Variants in SLC3A2 observed in about 807,000 individuals in gnomAD.
SLC3A2 encodes solute carrier family 3 member 2, also known as amino acid transporter heavy chain SLC3A2.
Under a neutral mutation model 48.5 loss-of-function variants are expected in SLC3A2, and 32 were observed. The ratio of observed to expected loss-of-function variants is 0.66; its 90% CI spans 0.50 to 0.89. The LOEUF (loss-of-function observed/expected upper bound fraction) is 0.89, where lower values mean the gene tolerates loss of function less well. Among genes scored for constraint, SLC3A2 ranks in the 40% least tolerant of loss-of-function variants. SLC3A2 has a pLI of 0.00. For missense variants in SLC3A2, 587 were observed against 680.7 expected, an observed-to-expected ratio of 0.86 and a Z score of 1.53; for synonymous variants, 277 against 288.8, an observed-to-expected ratio of 0.96 and a Z score of 0.41.
chr11:62,887,699 CAAA>C (rs753559403), intron 7 of SLC3A2, among the ~76,000 whole-genome samples: 4 of 89,578 alleles, frequency 4.5e-5, no homozygotes, highest in Non-Finnish European at 6.8e-5. Context: ...GACTCCGTCT[CAAA>C]AAAAAAAAAA....
At position 62,858,295 on chromosome 11, in the gene SLC3A2, G is replaced by A. The variant is rs532373609; in HGVS notation, c.112+1914G>A. ...CTGAGTTGGGACTCTGGTGAACTGGGCAGCCCTTTCACAGCTCCAGCTGAT... is the reference window on the plus strand; with the variant it reads ...CTGAGTTGGGACTCTGGTGAACTGGACAGCCCTTTCACAGCTCCAGCTGAT... On this transcript the variant is annotated intron_variant, in intron 1 of 9. Coordinates refer to the SLC3A2 transcript ENST00000377889. 5.9e-5 allele frequency among the ~76,000 whole-genome samples: 9 copies of A among 152,294 alleles called. No individual in the cohort carries two copies. In the East Asian group the frequency reaches 1.7e-3, roughly 29 times the overall value.
intron 1 of SLC3A2, among the ~76,000 whole-genome samples, chr11:62,874,912 G>A (rs1220261711): frequency 2.6e-5 from 4 of 151,860 alleles, no homozygotes; most frequent in East Asian, 3.9e-4. Flanking sequence ...ACAGGCACCC[G>A]CCATCGTGTG....
chr11:62,856,816 T>G (rs1763197434), intron 1 of SLC3A2, among the ~76,000 whole-genome samples: 1 of 123,224 alleles, frequency 8.1e-6, no homozygotes. Context: ...TTTATAAACA[T>G]TTTTTTCTTT....
chr11:62,875,629 C>T (rs773503667), intron 1 of SLC3A2, among the ~76,000 whole-genome samples: 3 of 152,182 alleles, frequency 2.0e-5, no homozygotes, highest in Non-Finnish European at 2.9e-5. Flanking sequence ...TGCAATGGCA[C>T]GATCTGGGCC....
At chr11:62,856,827 C>CT (rs11337244) in intron 1 of SLC3A2, among the ~76,000 whole-genome samples, 124 of 126,042 alleles carry the variant, frequency 9.8e-4, no homozygotes, top group African/African-American at 3.2e-3. Flanking sequence ...TTTTTTCTTT[C>CT]TTTTTTTTTT....
At position 62,881,091 on chromosome 11, in the gene SLC3A2, C is replaced by T. The variant is rs1313356088; in HGVS notation, c.68C>T (p.Pro23Leu). The T allele has an allele frequency of 4.3e-6, 7 of 1,609,334 alleles. No individual in the cohort carries two copies. In the Admixed American group the frequency reaches 1.2e-4, roughly 27 times the overall value. Residue 23 changes from proline to leucine, a missense_variant, in exon 1 of 9, where the codon CCG (proline) becomes CTG (leucine). By Grantham distance (98) the Pro-to-Leu change is moderately conservative. Coordinates refer to ENST00000338663, the MANE Select transcript of SLC3A2 (RefSeq NM_001013251.3). The surrounding 1 kb of genome is among the most constrained non-coding windows in gnomAD (Gnocchi z 4.0). ...AATGAGTTAGAGCCCGAGAAGCAGC[C>T]GATGAACGCGGCGTCTGGGGCGGCC... is the stretch of plus-strand genomic sequence containing the variant. ...ELNELEPEKQ[P>L]MNAASGAAMS...
At chr11:62,868,789 G>C (rs1361675315) in intron 1 of SLC3A2, among the ~76,000 whole-genome samples, 1 of 152,110 alleles carries the variant, frequency 6.6e-6, no homozygotes, top group African/African-American at 2.4e-5. Context: ...TTTTCATATT[G>C]CCAATCTGAC....
rs1229016529 is a variant in SLC3A2 at position 62,880,991 on chromosome 11, A to C, written c.-33A>C. 4 of 1,537,030 alleles carry C rather than the reference A, an allele frequency of 2.6e-6. No homozygotes were observed. The East Asian group carries it at 9.1e-5, about 35-fold the overall frequency. ...AGGGGTTGAGCCACCATCTGACCGC[A>C]AGCTGCGTCGTGTCGCCGGTTCTGC... On this transcript the variant is annotated 5_prime_UTR_variant, in exon 1 of 9. Coordinates refer to ENST00000338663, the MANE Select transcript of SLC3A2 (RefSeq NM_001013251.3).
chr11:62,885,314 C>T lies in SLC3A2; in HGVS notation c.956C>T (p.Thr319Ile). The T allele has an allele frequency of 1.2e-6, 2 of 1,614,188 alleles. No individual in the cohort carries two copies. Among genetic ancestry groups the T allele is most frequent in the Non-Finnish European group, 1.7e-6 (2 of 1,180,054 alleles). The part of the protein sequence containing the change: ...STGEHTKSLV[T>I]QYLNATGNRW... ...GGGGAGCATACAAAATCCCTAGTCA[C>T]ACAGTATTTGAATGCCACTGGCAAT... The change falls in exon 6 of 9, where the codon ACA becomes ATA. Residue 319 changes from threonine (T) to isoleucine (I), a missense_variant. Around this residue, in one of 3 missense-constraint regions of SLC3A2, gnomAD observed 409 missense variants for 446.7 expected, o/e 0.92. Transcript: ENST00000338663.
intron 1 of SLC3A2, among the ~76,000 whole-genome samples, chr11:62,868,795 C>G (rs765299713): frequency 2.6e-5 from 4 of 152,204 alleles, no homozygotes; most frequent in Non-Finnish European, 5.9e-5. Flanking sequence ...TATTGCCAAT[C>G]TGACGGACAT....
chr11:62,862,622 G>A (rs2085413298), intron 1 of SLC3A2, among the ~76,000 whole-genome samples: 3 of 152,064 alleles, frequency 2.0e-5, no homozygotes, highest in Non-Finnish European at 4.4e-5. Context: ...TTGTCTAGCA[G>A]AATACAATTC....
At chr11:62,878,819 G>A (rs1417359075), upstream of SLC3A2, among the ~76,000 whole-genome samples, 4 of 150,116 alleles carry the variant, frequency 2.7e-5, no homozygotes, top group South Asian at 8.5e-4. Flanking sequence ...CTGTCACCCA[G>A]GCTGGAGTGC....
At chr11:62,886,328 G>A (rs1371807965) in intron 7 of SLC3A2, 1 of 150,496 alleles carries the variant, frequency 6.6e-6, no homozygotes, top group Non-Finnish European at 1.5e-5. Flanking sequence ...AGAAATACAT[G>A]GTAGGGATAC....
Position 62,881,286 on chromosome 11 carries a change from T to TCTGGCTCGG in SLC3A2, c.274_282dup (p.Trp92_Gly94dup). On this transcript the variant is annotated inframe_insertion, in exon 1 of 9. Coordinates refer to ENST00000338663, the MANE Select transcript of SLC3A2 (RefSeq NM_001013251.3). This position sits in a 1 kb window ranked among gnomAD's most constrained non-coding sequence, Gnocchi z 4.0. ...ACCCGCTGGGCACTGCTGCTGCTCT[T>TCTGGCTCGG]CTGGCTCGGCTGGCTCGGCATGCTT... 2.5e-6 allele frequency: 4 copies of TCTGGCTCGG among 1,590,250 alleles called. No homozygotes were observed. The highest frequency in any genetic ancestry group is 2.6e-6 in the Non-Finnish European group (3 of 1,170,202).
intron 1 of SLC3A2, among the ~76,000 whole-genome samples, chr11:62,860,532 A>C (rs796103410): frequency 4.6e-5 from 7 of 152,238 alleles, no homozygotes; most frequent in African/African-American, 1.4e-4. Context: ...TATCTCAGTA[A>C]ATAGAATGTA....
chr11:62,883,975 C>CA (rs1490106163), intron 3 of SLC3A2: 4 of 456,454 alleles, frequency 8.8e-6, no homozygotes, highest in Admixed American at 4.7e-5. Context: ...TTATTGTACT[C>CA]ACACCTTCCC....
At chr11:62,857,459 C>T (rs12295516) in intron 1 of SLC3A2, among the ~76,000 whole-genome samples, 3,122 of 152,152 alleles carry the variant, frequency 0.021, 114 homozygotes, top group African/African-American at 0.072. Flanking sequence ...GCGGGAGGAT[C>T]TCTTGAGCCC....
Position 62,885,586 on chromosome 11 carries a change from A to T in SLC3A2, c.1121A>T (p.Asp374Val). 1 of 1,614,114 alleles carries T rather than the reference A, an allele frequency of 6.2e-7. No homozygotes were observed. Among genetic ancestry groups the T allele is most frequent in the Non-Finnish European group, 8.5e-7 (1 of 1,180,004 alleles). The change falls in exon 7 of 9, where the codon GAT becomes GTT. Residue 374 changes from aspartate (D) to valine (V), a missense_variant. Around this residue, in one of 3 missense-constraint regions of SLC3A2, gnomAD observed 9 missense variants for 29.7 expected, o/e 0.30. Transcript: ENST00000338663. ...AGCTACGGGGATGAGATTGGCCTGG[A>T]TGCAGCTGCCCTTCCTGGACAGGTA... ...VFSYGDEIGLDAAALPGQPME... is the reference protein window; with the variant it reads ...VFSYGDEIGLVAAALPGQPME...
intron 7 of SLC3A2, chr11:62,886,311 G>GA (rs2135019629): frequency 1.3e-5 from 2 of 151,036 alleles, no homozygotes; most frequent in African/African-American, 4.8e-5. Flanking sequence ...GAAAAGAAAA[G>GA]AAAGAAAGAA....
Sources: allele counts gnomAD v4.1 joint callset (sites outside exome capture counted in the v4.1 genomes callset), GRCh38; gene constraint gnomAD v4.1.1; regional missense constraint gnomAD v4.1.1; non-coding constraint Gnocchi (gnomAD v3.1); transcripts MANE v1.5; gene names NCBI Gene and HGNC (gene_info 2026-07-23, HGNC 2026-07-21).